The following ZC3H12B variants were observed in gnomAD, a reference collection of about 807,000 sequenced individuals.
The protein encoded by ZC3H12B is probable ribonuclease ZC3H12B.
ZC3H12B carries 7 observed loss-of-function variants against 43.9 expected under a neutral mutation model. The ratio of observed to expected loss-of-function variants is 0.16; its 90% confidence interval spans 0.09 to 0.30. The LOEUF (loss-of-function observed/expected upper bound fraction) is 0.30. Among genes scored for constraint, ZC3H12B ranks in the 10% least tolerant of loss-of-function variants. ZC3H12B has a pLI of 1.00. For missense variants in ZC3H12B, 475 were observed against 670.2 expected (o/e 0.71, Z 3.22); for synonymous variants, 222 against 241.7 (o/e 0.92, Z 0.76).
intron 3 of ZC3H12B, among the ~76,000 whole-genome samples, chrX:65,439,845 C>T (rs1035944627): frequency 9.1e-6 from 1 of 110,495 alleles, no homozygotes; most frequent in Non-Finnish European, 1.9e-5. Flanking sequence ...TTGGGGTCCT[C>T]CTCAGTGTCA....
At chrX:65,384,742 C>T (rs781167757) in intron 2 of ZC3H12B, among the ~76,000 whole-genome samples, 2 of 111,401 alleles carry the variant, frequency 1.8e-5, no homozygotes, top group African/African-American at 3.3e-5. Context: ...TAAAAAGACC[C>T]AATGATATGT....
the ZC3H12B span, among the ~76,000 whole-genome samples, chrX:65,066,045 C>A: frequency 9.2e-6 from 1 of 108,695 alleles, no homozygotes; most frequent in Non-Finnish European, 1.9e-5. Context: ...GCTCCTGTAA[C>A]CTTTTTTCAA....
chrX:65,225,586 A>G, the ZC3H12B span, among the ~76,000 whole-genome samples: 1 of 112,289 alleles, frequency 8.9e-6, no homozygotes, highest in African/African-American at 3.2e-5. Context: ...CAAGCTACAG[A>G]AGGAAATTCA....
chrX:65,133,420 C>T, the ZC3H12B span, among the ~76,000 whole-genome samples: 3 of 108,248 alleles, frequency 2.8e-5, no homozygotes, highest in Admixed American at 9.8e-5. Flanking sequence ...GGTGGTAAAG[C>T]GTCTAAGGGT....
chrX:65,274,513 A>C, the ZC3H12B span, among the ~76,000 whole-genome samples: 1 of 110,153 alleles, frequency 9.1e-6, no homozygotes, highest in African/African-American at 3.3e-5. Context: ...GGTTCTACAC[A>C]GCAAGAAAAC....
At chrX:65,352,474 AAAAAAAG>A in the ZC3H12B span, among the ~76,000 whole-genome samples, 5 of 111,537 alleles carry the variant, frequency 4.5e-5, no homozygotes, top group South Asian at 3.7e-4. Flanking sequence ...ATTTAAAAAA[AAAAAAAG>A]AAAAAGAAAA....
At chrX:65,335,652 A>C in the ZC3H12B span, among the ~76,000 whole-genome samples, 1 of 111,769 alleles carries the variant, frequency 8.9e-6, no homozygotes, top group South Asian at 3.8e-4. Flanking sequence ...TGAGAAAAGA[A>C]CCCGGGTACC....
chrX:65,497,013 G>T, intron 1 of ZC3H12B, 119 bp from the exon 7 acceptor site: 1 of 479,511 alleles, frequency 2.1e-6, no homozygotes, highest in Non-Finnish European at 3.1e-6. Context: ...AAGAGAGAAA[G>T]AAAGAAAAGA....
chrX:65,362,968 C>G (rs1314440281), upstream of ZC3H12B, among the ~76,000 whole-genome samples: 1 of 110,837 alleles, frequency 9.0e-6, no homozygotes, highest in Non-Finnish European at 1.9e-5. Context: ...TGATCTCAAA[C>G]ATGCTTTCTT....
chrX:65,342,417 A>G, the ZC3H12B span, among the ~76,000 whole-genome samples: 1 of 111,562 alleles, frequency 9.0e-6, no homozygotes, highest in Non-Finnish European at 1.9e-5. Context: ...GACATAAAAC[A>G]CTCTTTAGCA....
At chrX:65,145,932 A>G in the ZC3H12B span, among the ~76,000 whole-genome samples, 8 of 110,864 alleles carry the variant, frequency 7.2e-5, no homozygotes, top group Non-Finnish European at 1.9e-5. Flanking sequence ...CCTTCATCTT[A>G]ACTTTTGATA....
chrX:65,249,942 C>T, the ZC3H12B span, among the ~76,000 whole-genome samples: 2 of 108,219 alleles, frequency 1.8e-5, no homozygotes, highest in Non-Finnish European at 3.8e-5. Flanking sequence ...TTGCTGAATT[C>T]TTTTTTTTAT....
the ZC3H12B span, among the ~76,000 whole-genome samples, chrX:65,267,604 A>G: frequency 1.8e-5 from 2 of 111,848 alleles, no homozygotes; most frequent in East Asian, 2.8e-4. Context: ...TGAAAGGAAC[A>G]GTATACAAAA....
intron 2 of ZC3H12B, among the ~76,000 whole-genome samples, chrX:65,384,946 A>G (rs1156556290): frequency 3.6e-5 from 4 of 112,390 alleles, no homozygotes; most frequent in African/African-American, 9.7e-5. Flanking sequence ...TTTGTTAAAG[A>G]TCAGATGGTT....
chrX:65,315,843 G>A, the ZC3H12B span, among the ~76,000 whole-genome samples: 1 of 111,295 alleles, frequency 9.0e-6, no homozygotes, highest in Non-Finnish European at 1.9e-5. Context: ...GACAGAAATG[G>A]AATTCTGAAT....
intron 3 of ZC3H12B, among the ~76,000 whole-genome samples, chrX:65,406,629 G>T (rs2066829721): frequency 9.8e-6 from 1 of 102,524 alleles, no homozygotes; most frequent in African/African-American, 3.5e-5. Context: ...GGACTGGGCG[G>T]GGCCGGGCGG....
the ZC3H12B span, among the ~76,000 whole-genome samples, chrX:65,155,874 G>A: frequency 9.1e-6 from 1 of 109,687 alleles, no homozygotes; most frequent in Non-Finnish European, 1.9e-5. Flanking sequence ...AAAAAAGTTG[G>A]AAATTATTCC....
At chrX:65,293,517 G>C in the ZC3H12B span, among the ~76,000 whole-genome samples, 1 of 109,309 alleles carries the variant, frequency 9.1e-6, no homozygotes, top group Non-Finnish European at 1.9e-5. Flanking sequence ...TTTCTGAATT[G>C]CCAGAAAAAG....
the ZC3H12B span, among the ~76,000 whole-genome samples, chrX:65,184,808 T>A: frequency 9.0e-6 from 1 of 111,726 alleles, no homozygotes; most frequent in Admixed American, 9.6e-5. Context: ...AGTATAATCC[T>A]GAACTGTAGC....
Sources: allele counts gnomAD v4.1 joint callset (sites outside exome capture counted in the v4.1 genomes callset), GRCh38; gene constraint gnomAD v4.1.1; transcripts MANE v1.5; gene names NCBI Gene and HGNC (gene_info 2026-07-23, HGNC 2026-07-21).